The following NRIP1 variants were observed in gnomAD, a reference collection of about 807,000 sequenced individuals.
NRIP1 encodes nuclear receptor-interacting protein 1.
NRIP1 carries 28 observed loss-of-function variants against 75.0 expected under a neutral mutation model. That is an observed-to-expected ratio of 0.37 (90% confidence interval 0.28 to 0.51). The LOEUF (loss-of-function observed/expected upper bound fraction) is 0.51. Among genes scored for constraint, NRIP1 ranks in the 20% least tolerant of loss-of-function variants. The pLI is 0.92. For synonymous variants in NRIP1, 526 were observed against 487.6 expected (o/e 1.08, Z -1.04); for missense variants, 1,435 against 1,343.7 (o/e 1.07, Z -1.06).
chr21:15,016,947 GAAGA>G (rs1052820656), intron 2 of NRIP1, among the ~76,000 whole-genome samples: 6 of 145,952 alleles, frequency 4.1e-5, no homozygotes, highest in Non-Finnish European at 7.6e-5. Flanking sequence ...AGAAAGAAAA[GAAGA>G]AAGACAAGAA....
chr21:15,037,484 T>C (rs2088861582), intron 2 of NRIP1, among the ~76,000 whole-genome samples: 1 of 152,164 alleles, frequency 6.6e-6, no homozygotes. Flanking sequence ...ACCCCCTCCA[T>C]CTAGAAGTTT....
chr21:14,983,412 CTG>C (rs2087301155), intron 3 of NRIP1, among the ~76,000 whole-genome samples: 1 of 152,108 alleles, frequency 6.6e-6, no homozygotes, highest in Admixed American at 6.6e-5. Flanking sequence ...TCTATGAAGA[CTG>C]AGAGAGGTGA....
chr21:15,047,408 C>A (rs1048265789), intron 1 of NRIP1, among the ~76,000 whole-genome samples: 10 of 152,072 alleles, frequency 6.6e-5, no homozygotes, highest in African/African-American at 1.2e-4. Flanking sequence ...GGCGTGGTGG[C>A]GGGCGCCTGT....
At chr21:14,976,597 T>C (rs1435920337) in intron 3 of NRIP1, among the ~76,000 whole-genome samples, 1 of 152,222 alleles carries the variant, frequency 6.6e-6, no homozygotes, top group African/African-American at 2.4e-5. Flanking sequence ...CTATTTTCAT[T>C]GCAATATGTT....
rs745308120 is a variant in NRIP1 at position 14,965,487 on chromosome 21, A to G, written c.2706T>C (p.Phe902=). ...ATTTAAATTCAAGATCATTTCTGCT[A>G]AATTTCAGCTCTTCCTGGTTAAGCA... ...GSLLNQEELK[F]SRNDLEFKYP... is the part of the protein sequence containing the mutation. Residue 902 remains phenylalanine (F), a synonymous_variant, in exon 4 of 4, where the codon TTT becomes TTC. Coordinates refer to ENST00000318948, the MANE Select transcript of NRIP1 (RefSeq NM_003489.4). 1 of 1,613,954 alleles carries G rather than the reference A, an allele frequency of 6.2e-7. No individual in the cohort carries two copies. Among genetic ancestry groups the G allele is most frequent in the African/African-American group, 1.3e-5 (1 of 75,008 alleles).
chr21:15,061,860 A>G (rs1174187227), intron 1 of NRIP1, among the ~76,000 whole-genome samples: 1 of 152,214 alleles, frequency 6.6e-6, no homozygotes, highest in African/African-American at 2.4e-5. Flanking sequence ...AATCTGTGCA[A>G]TTAACAATAA....
At position 14,961,708 on chromosome 21, in the gene NRIP1, C is replaced by A. The variant is rs2086594276; in HGVS notation, c.*3008G>T. 6.6e-6 allele frequency: 1 copy of A among 152,356 alleles called. No individual in the cohort carries two copies. The highest frequency in any genetic ancestry group is 2.4e-5 in the African/African-American group (1 of 41,402). 9.4% of individuals were successfully genotyped at this position (152,356 alleles called of 1,614,324 possible). ...ATTTGTTAAGACATTTTGCCAAATGCACAGATGCACAGGGTCCCCCATGCA... is the reference window on the plus strand; with the variant it reads ...ATTTGTTAAGACATTTTGCCAAATGAACAGATGCACAGGGTCCCCCATGCA... On this transcript the variant is annotated 3_prime_UTR_variant, in exon 4 of 4. Coordinates refer to ENST00000318948, the MANE Select transcript of NRIP1 (RefSeq NM_003489.4).
intron 3 of NRIP1, among the ~76,000 whole-genome samples, chr21:14,977,274 T>TA (rs920773369): frequency 7.9e-5 from 12 of 151,924 alleles, no homozygotes; most frequent in Admixed American, 2.6e-4. Flanking sequence ...CTCTTTTATT[T>TA]AAAAAAAATA....
At chr21:15,047,494 C>T (rs747531127) in intron 1 of NRIP1, among the ~76,000 whole-genome samples, 14 of 152,098 alleles carry the variant, frequency 9.2e-5, no homozygotes, top group Admixed American at 7.2e-4. Context: ...GAGCTGAGAC[C>T]GCGCCACTGC....
chr21:15,005,361 G>GC (rs11434871), intron 3 of NRIP1, among the ~76,000 whole-genome samples: 47,603 of 151,912 alleles, frequency 0.31, 11,390 homozygotes, highest in African/African-American at 0.67. Context: ...AATTCACAGA[G>GC]CCCCCCAAAG....
intron 3 of NRIP1, among the ~76,000 whole-genome samples, chr21:14,989,256 C>T (rs1307756218): frequency 6.6e-6 from 1 of 152,138 alleles, no homozygotes; most frequent in Non-Finnish European, 1.5e-5. Flanking sequence ...CAACATGTGG[C>T]TCTGAATTTC....
At chr21:15,052,530 A>G (rs1236282713) in intron 1 of NRIP1, among the ~76,000 whole-genome samples, 1 of 152,222 alleles carries the variant, frequency 6.6e-6, no homozygotes, top group Admixed American at 6.5e-5. Context: ...CTCACAAGGT[A>G]GTATGTACAA....
intron 3 of NRIP1, among the ~76,000 whole-genome samples, chr21:14,999,204 T>C (rs1266369769): frequency 6.6e-6 from 1 of 152,178 alleles, no homozygotes; most frequent in African/African-American, 2.4e-5. Context: ...CTTGAACTCC[T>C]GGGCTCAAGC....
At chr21:14,970,345 A>C (rs1260055769) in intron 3 of NRIP1, among the ~76,000 whole-genome samples, 1 of 152,302 alleles carries the variant, frequency 6.6e-6, no homozygotes, top group African/African-American at 2.4e-5. Context: ...CAGGAGTTTG[A>C]GACCAACCTG....
chr21:15,026,128 C>T (rs1282943861), intron 2 of NRIP1, among the ~76,000 whole-genome samples: 1 of 152,106 alleles, frequency 6.6e-6, no homozygotes, highest in African/African-American at 2.4e-5. Context: ...AAAAGTTCCA[C>T]TGTATTGTAC....
Position 14,968,095 on chromosome 21 carries a change from G to A in NRIP1, c.98C>T (p.Ser33Leu), listed in dbSNP as rs1381442807. 1.9e-6 allele frequency: 3 copies of A among 1,613,916 alleles called. No individual in the cohort carries two copies. Among genetic ancestry groups the A allele is most frequent in the Non-Finnish European group, 2.5e-6 (3 of 1,179,986 alleles). Residue 33 changes from serine to leucine, a missense_variant, in exon 4 of 4, where the codon TCA becomes TTA. Transcript: ENST00000318948. ...AGACTTTTTGTCAACGGCAGTACCT[G>A]ATCCCCCTGCTGCCTGATGCATTAG... ...GLLMHQAAGG[S>L]GTAVDKKSAG...
Position 14,966,803 on chromosome 21 carries a change from T to G in NRIP1, c.1390A>C (p.Thr464Pro). 6.2e-7 allele frequency: 1 copy of G among 1,614,124 alleles called. No individual in the cohort carries two copies. The highest frequency in any genetic ancestry group is 8.5e-7 in the Non-Finnish European group (1 of 1,179,998). Residue 464 changes from threonine (T) to proline (P), a missense_variant, in exon 4 of 4, where the codon ACT (threonine) becomes CCT (proline). By Grantham distance (38) the Thr-to-Pro change is conservative. Transcript: ENST00000318948. ...TCCCAAGTGTTTAGCAAGGATTGAG[T>G]GAAGTTATCCAGGGAAACAGGTTGG... Reference protein sequence around the residue: ...SDQPVSLDNFTQSLLNTWDPK... With the variant: ...SDQPVSLDNFPQSLLNTWDPK...
At chr21:15,059,924 A>G (rs1206050326) in intron 1 of NRIP1, among the ~76,000 whole-genome samples, 1 of 152,210 alleles carries the variant, frequency 6.6e-6, no homozygotes, top group Non-Finnish European at 1.5e-5. Context: ...AAATACTAAT[A>G]TAATGATAAA....
intron 1 of NRIP1, among the ~76,000 whole-genome samples, chr21:15,046,526 T>C (rs371079262): frequency 1.8e-4 from 27 of 152,320 alleles, no homozygotes; most frequent in African/African-American, 5.8e-4. Flanking sequence ...TTTAGTATAA[T>C]TCTTAAGGGG....
Sources: gnomAD v4.1 joint callset for allele counts (sites outside exome capture counted in the v4.1 genomes callset) on GRCh38, gnomAD v4.1.1 for gene constraint, MANE v1.5 for transcripts, NCBI Gene and HGNC (gene_info 2026-07-23, HGNC 2026-07-21) for gene names.